KLRG2: variants seen among roughly 807,000 people sequenced by gnomAD.
KLRG2 encodes the protein killer cell lectin-like receptor subfamily G member 2.
KLRG2 carries 39 observed loss-of-function variants against 35.4 expected under a neutral mutation model. The observed-to-expected ratio is 1.10, with a 90% CI of 0.85 to 1.44. The LOEUF (loss-of-function observed/expected upper bound fraction) is 1.44. Among genes scored for constraint, KLRG2 ranks in the 40% most tolerant of loss-of-function variants. KLRG2 has a pLI of 0.00. For synonymous variants in KLRG2, 283 were observed against 265.8 expected (o/e 1.06, Z -0.63); for missense variants, 632 against 570.9 (o/e 1.11, Z -1.09).
At chr7:139,457,700 C>T (rs534150283) in intron 3 of KLRG2, among the ~76,000 whole-genome samples, 1 of 152,308 alleles carries the variant, frequency 6.6e-6, no homozygotes, top group South Asian at 2.1e-4. Context: ...TCTCACCCTT[C>T]CCCTCTGGGC....
downstream of KLRG2, among the ~76,000 whole-genome samples, chr7:139,451,229 G>T (rs764163349): frequency 6.6e-6 from 1 of 152,188 alleles, no homozygotes; most frequent in African/African-American, 2.4e-5. Flanking sequence ...GCCGTGCACC[G>T]TGGCTCACGC....
At chr7:139,467,935 G>A (rs959686413) in intron 3 of KLRG2, among the ~76,000 whole-genome samples, 6 of 152,158 alleles carry the variant, frequency 3.9e-5, no homozygotes, top group Non-Finnish European at 7.3e-5. Flanking sequence ...GGAATGTCTC[G>A]GTATAAAACC....
At chr7:139,453,886 C>A (rs1172554996) in intron 4 of KLRG2, among the ~76,000 whole-genome samples, 179 bp from the exon 5 acceptor site, 1 of 152,160 alleles carries the variant, frequency 6.6e-6, no homozygotes, top group Non-Finnish European at 1.5e-5. Context: ...GGCAGCTGAC[C>A]CCGCATCTGT....
the KLRG2 span, among the ~76,000 whole-genome samples, chr7:139,437,425 C>CCA: frequency 4.1e-5 from 3 of 73,228 alleles, no homozygotes; most frequent in African/African-American, 1.2e-4. Flanking sequence ...ACTCCATCTC[C>CCA]AAAAAAAAAA....
chr7:139,432,715 A>T, the KLRG2 span, among the ~76,000 whole-genome samples: 33 of 152,186 alleles, frequency 2.2e-4, no homozygotes, highest in Non-Finnish European at 4.0e-4. Flanking sequence ...TTTGCACATA[A>T]CCTATGCATA....
chr7:139,438,480 G>T, the KLRG2 span, among the ~76,000 whole-genome samples: 2 of 152,248 alleles, frequency 1.3e-5, no homozygotes, highest in Non-Finnish European at 2.9e-5. Flanking sequence ...GCCTCCTAAA[G>T]TATTGGGATT....
Position 139,453,661 on chromosome 7 carries a change from G to C in KLRG2, c.1156C>G (p.Leu386Val), listed in dbSNP as rs1796408421. 4 of 1,614,064 alleles carry C rather than the reference G, an allele frequency of 2.5e-6. No individual in the cohort carries two copies. Among genetic ancestry groups the C allele is most frequent in the African/African-American group, 1.3e-5 (1 of 75,046 alleles). Residue 386 changes from leucine (L) to valine (V), a missense_variant, in exon 5 of 5, where the codon CTG becomes GTG. Coordinates refer to ENST00000340940, the MANE Select transcript of KLRG2 (RefSeq NM_198508.4). Reference sequence around the variant, plus strand: ...GCAGCCACCAGCGTGCCTTCCTCCAGGGCCCCACAGTTGATATCCAGATTG... The same window carrying C: ...GCAGCCACCAGCGTGCCTTCCTCCACGGCCCCACAGTTGATATCCAGATTG... Reference protein sequence around the residue: ...EDNLDINCGALEEGTLVAANC... With the variant: ...EDNLDINCGAVEEGTLVAANC...
At chr7:139,475,937 C>A (rs1011693895) in intron 3 of KLRG2, among the ~76,000 whole-genome samples, 1 of 150,802 alleles carries the variant, frequency 6.6e-6, no homozygotes, top group Middle Eastern at 3.4e-3. Context: ...CTGGTGCCCA[C>A]TGCTTCGTGG....
chr7:139,450,201 C>A (rs778644104), downstream of KLRG2, among the ~76,000 whole-genome samples: 66 of 151,968 alleles, frequency 4.3e-4, 1 homozygote, highest in Middle Eastern at 3.4e-3. Context: ...CACCACCACG[C>A]CTGGCTAATG....
intron 3 of KLRG2, among the ~76,000 whole-genome samples, chr7:139,476,933 T>A (rs1374312418): frequency 2.0e-5 from 3 of 152,296 alleles, no homozygotes; most frequent in African/African-American, 7.2e-5. Flanking sequence ...ACTGCTGTCT[T>A]AGCTTTGTCA....
Position 139,483,133 on chromosome 7 carries a change from C to T in KLRG2, c.510G>A (p.Gln170=). ...AFSRHADPAH[Q]LLLRAPSQGG... is the part of the protein sequence containing the mutation. ...CCTGGGATGGTGCGCGCAGCAGGAG[C>T]TGGTGCGCCGGGTCCGCGTGGCGGG... Residue 170 remains glutamine (Q), a synonymous_variant, in exon 1 of 5, where the codon CAG becomes CAA. Transcript: ENST00000340940. 6.7e-7 allele frequency: 1 copy of T among 1,485,608 alleles called. No individual in the cohort carries two copies. The allele number at this position is 1,485,608 out of a possible 1,614,324, so 92.0% of individuals were successfully genotyped here. A position where few individuals can be genotyped will look rare whatever the true frequency, so the allele number is the denominator to read the frequency against.
chr7:139,446,436 T>C, the KLRG2 span, among the ~76,000 whole-genome samples: 1 of 145,878 alleles, frequency 6.9e-6, no homozygotes, highest in Non-Finnish European at 1.5e-5. Context: ...TTCTACCTCC[T>C]GGGTAGAGAA....
chr7:139,435,363 A>C, the KLRG2 span, among the ~76,000 whole-genome samples: 1 of 152,110 alleles, frequency 6.6e-6, no homozygotes. Context: ...GGTGGCAGGC[A>C]CCTGTAATCC....
chr7:139,438,054 G>C, the KLRG2 span, among the ~76,000 whole-genome samples: 1 of 152,160 alleles, frequency 6.6e-6, no homozygotes, highest in Non-Finnish European at 1.5e-5. Flanking sequence ...TCTTGCCATT[G>C]TCATAAGACT....
At chr7:139,452,415 G>A (rs961164314), downstream of KLRG2, among the ~76,000 whole-genome samples, 2 of 152,128 alleles carry the variant, frequency 1.3e-5, no homozygotes, top group Non-Finnish European at 2.9e-5. Context: ...AAACCTGCAC[G>A]TTCTGCACAT....
At chr7:139,480,384 T>A in intron 1 of KLRG2, 137 bp from the exon 2 acceptor site, 2 of 471,988 alleles carry the variant, frequency 4.2e-6, no homozygotes. Flanking sequence ...GATGCCAACA[T>A]AAACCACAAC....
At chr7:139,464,345 C>G (rs1796615903) in intron 3 of KLRG2, among the ~76,000 whole-genome samples, 1 of 152,186 alleles carries the variant, frequency 6.6e-6, no homozygotes, top group Admixed American at 6.5e-5. Context: ...CTTTTAAAAC[C>G]TATAAACTCT....
At chr7:139,462,176 G>A (rs370105767) in intron 3 of KLRG2, among the ~76,000 whole-genome samples, 8 of 152,134 alleles carry the variant, frequency 5.3e-5, no homozygotes, top group Non-Finnish European at 1.2e-4. Flanking sequence ...TTACGGACTC[G>A]GGAAAACAGT....
the KLRG2 span, among the ~76,000 whole-genome samples, chr7:139,446,633 G>A: frequency 4.6e-5 from 7 of 152,012 alleles, no homozygotes; most frequent in South Asian, 2.1e-4. Context: ...GAGCCACCGC[G>A]CCCAGCCTCT....
Sources: gnomAD v4.1 joint callset for allele counts (sites outside exome capture counted in the v4.1 genomes callset) on GRCh38, gnomAD v4.1.1 for gene constraint, MANE v1.5 for transcripts, NCBI Gene and HGNC (gene_info 2026-07-23, HGNC 2026-07-21) for gene names.